Variants in SETD1B observed in about 807,000 individuals in gnomAD.
The protein encoded by SETD1B is SET domain containing 1B, histone lysine methyltransferase, also known as histone-lysine N-methyltransferase SETD1B.
Under a neutral mutation model 148.0 loss-of-function variants are expected in SETD1B, and 7 were observed. That is an observed-to-expected ratio of 0.05 (90% CI 0.03 to 0.09). The LOEUF is 0.09. SETD1B is among the 10% of genes least tolerant of loss of function. SETD1B has a pLI of 1.00. For synonymous variants in SETD1B, 1,361 were observed against 1,186.5 expected, an observed-to-expected ratio of 1.15 and a Z score of -3.02; for missense variants, 2,155 against 2,729.9, an observed-to-expected ratio of 0.79 and a Z score of 4.69.
rs778661411 is a variant in SETD1B, at chr12:121,825,173, T to C, written c.5171-27T>C. ...GGGACCAGAAGGGGCTCTCAGAATGTCCATGTGGCCCTTGACCCACACCCA... is the reference window on the plus strand; with the variant it reads ...GGGACCAGAAGGGGCTCTCAGAATGCCCATGTGGCCCTTGACCCACACCCA... On this transcript the variant is annotated intron_variant, in intron 12 of 16. Coordinates refer to ENST00000604567, the MANE Select transcript of SETD1B (RefSeq NM_001353345.2). The C allele has an allele frequency of 1.9e-6, 3 of 1,549,236 alleles. No individual in the cohort carries two copies. The South Asian group carries it at 3.6e-5, about 18-fold the overall frequency.
intron 13 of SETD1B, among the ~76,000 whole-genome samples, chr12:121,825,660 G>A (rs139209233): frequency 7.6e-4 from 115 of 151,834 alleles, no homozygotes; most frequent in African/African-American, 2.3e-3. Context: ...TTTTTTTTAG[G>A]GGGGGACAAA....
In SETD1B at chr12:121,804,696, G is replaced by A. The variant is rs1332594430; in HGVS notation, c.-14-28G>A. ...AGCGGCCGCCGCCGCCGCCGCGGCG[G>A]AGACGACAACAACTTGCTGGTTTTC... On this transcript the variant is annotated intron_variant, in intron 1 of 16. Transcript: ENST00000604567. This position sits in a 1 kb window ranked among gnomAD's most constrained non-coding sequence, Gnocchi z 4.6. The A allele has an allele frequency of 4.6e-5, 71 of 1,538,346 alleles. No homozygotes were observed. The Admixed American group carries it at 1.4e-3, about 30-fold the overall frequency.
rs1246558391 is a variant in SETD1B, at chr12:121,823,098, C to A, written c.4519C>A (p.Pro1507Thr). 6.5e-7 allele frequency: 1 copy of A among 1,527,474 alleles called. No homozygotes were observed. Among genetic ancestry groups the A allele is most frequent in the East Asian group, 2.5e-5 (1 of 40,720 alleles). 94.6% of individuals were successfully genotyped at this position (1,527,474 alleles called of 1,614,324 possible). A position where few individuals can be genotyped will look rare whatever the true frequency, so the allele number is the denominator to read the frequency against. The part of the protein sequence containing the change: ...PTPLPPLLPA[P>T]LASCPPPMKR... ...CCCGCTGCCACCCCTGCTGCCCGCCCCCCTGGCCTCTTGCCCTCCCCCAAT... is the reference window on the plus strand; with the variant it reads ...CCCGCTGCCACCCCTGCTGCCCGCCACCCTGGCCTCTTGCCCTCCCCCAAT... The change falls in exon 12 of 17, where the codon CCC becomes ACC. Residue 1507 changes from proline (P) to threonine (T), a missense_variant. Physicochemically the swap from Pro to Thr is conservative, Grantham distance 38. Transcript: ENST00000604567.
Position 121,805,740 on chromosome 12 carries a change from C to A in SETD1B, c.274-95C>A. 1 of 1,158,670 alleles carries A rather than the reference C, an allele frequency of 8.6e-7. No individual in the cohort carries two copies. Among genetic ancestry groups the A allele is most frequent in the Non-Finnish European group, 1.2e-6 (1 of 853,176 alleles). The allele number at this position is 1,158,670 out of a possible 1,614,324, so 71.8% of individuals were successfully genotyped here. ...TTTTTTTACCCTTTATTGTTTTCAA[C>A]GGGTGGGCGAGTTGCGGGCGGGGCG... On this transcript the variant is annotated intron_variant, in intron 3 of 16. Transcript: ENST00000604567. The surrounding 1 kb of genome is among the most constrained non-coding windows in gnomAD (Gnocchi z 4.2).
rs1450536506 is a variant in SETD1B, at chr12:121,805,790, G to A, written c.274-45G>A. ...GGGGGGGATGTTGTGTTTTCCCTTA[G>A]GTTTAAACGTTCTTCAAACTCCCTT... On this transcript the variant is annotated intron_variant, in intron 3 of 16. Transcript: ENST00000604567. The surrounding 1 kb of genome is among the most constrained non-coding windows in gnomAD (Gnocchi z 4.2). The A allele has an allele frequency of 1.3e-6, 2 of 1,529,000 alleles. No homozygotes were observed. Among genetic ancestry groups the A allele is most frequent in the Non-Finnish European group, 1.8e-6 (2 of 1,133,750 alleles). 94.7% of individuals were successfully genotyped at this position (1,529,000 alleles called of 1,614,324 possible). A position where few individuals can be genotyped will look rare whatever the true frequency, so the allele number is the denominator to read the frequency against.
In SETD1B at chr12:121,810,521, C is replaced by T; in HGVS notation, c.1576C>T (p.Leu526=). 1.9e-6 allele frequency: 3 copies of T among 1,546,356 alleles called. No individual in the cohort carries two copies. The highest frequency in any genetic ancestry group is 2.6e-6 in the Non-Finnish European group (3 of 1,146,982). ...GAGGGAGCCGGACTCGGACACCGAG[C>T]TGCAGATGGAGGGCAGCCCCATCTC... is the stretch of plus-strand genomic sequence containing the variant. The part of the protein sequence containing the change: ...FLREPDSDTE[L]QMEGSPISSS... Residue 526 remains leucine, a synonymous_variant, in exon 6 of 17, where the codon CTG becomes TTG. Transcript: ENST00000604567. This position sits in a 1 kb window ranked among gnomAD's most constrained non-coding sequence, Gnocchi z 7.6.
chr12:121,813,699 C>T (rs543824509), intron 6 of SETD1B, among the ~76,000 whole-genome samples: 4 of 152,284 alleles, frequency 2.6e-5, no homozygotes, highest in African/African-American at 7.2e-5. Context: ...ACAGTTTCAT[C>T]CTCTGTGCCC....
rs1270628145 is a variant in SETD1B at position 121,830,813 on chromosome 12, C to T, written c.*574C>T. 6.6e-6 allele frequency: 1 copy of T among 152,416 alleles called. No individual in the cohort carries two copies. Among genetic ancestry groups the T allele is most frequent in the Non-Finnish European group, 1.5e-5 (1 of 68,280 alleles). The allele number at this position is 152,416 out of a possible 1,614,324, so 9.4% of individuals were successfully genotyped here. ...GGCCCCCACGGCCTTGACCTCAGAA[C>T]ACTACGCCCTGAAAGCGCCCCTCAC... On this transcript the variant is annotated 3_prime_UTR_variant, in exon 17 of 17. Transcript: ENST00000604567. The surrounding 1 kb of genome is among the most constrained non-coding windows in gnomAD (Gnocchi z 5.7).
chr12:121,799,243 C>T (rs1286469869), upstream of SETD1B: 1 of 152,226 alleles, frequency 6.6e-6, no homozygotes, highest in Non-Finnish European at 1.5e-5. Flanking sequence ...TTCAATGGCT[C>T]GCCAGGTTTC....
chr12:121,799,742 G>T (rs1875229905), upstream of SETD1B: 1 of 124,128 alleles, frequency 8.1e-6, no homozygotes, highest in Non-Finnish European at 1.8e-5. Context: ...GGGGTGGGGC[G>T]GGGCCGCAGA....
chr12:121,810,128 T>C lies in SETD1B; in HGVS notation c.1183T>C (p.Ser395Pro). ...AQATPAPGFKSAFSPYQTPVA... is the reference protein window; with the variant it reads ...AQATPAPGFKPAFSPYQTPVA... ...AGCAACCCCTGCTCCTGGATTCAAG[T>C]CTGCTTTCTCTCCGTATCAGACCCC... Residue 395 changes from serine (S) to proline (P), a missense_variant, in exon 6 of 17, where the codon TCT becomes CCT. Physicochemically the swap from Ser to Pro is moderately conservative, Grantham distance 74 (BLOSUM62 -1). Around this residue, in one of 11 missense-constraint regions of SETD1B, gnomAD observed 376 missense variants for 385.0 expected, o/e 0.98. Transcript: ENST00000604567. This position sits in a 1 kb window ranked among gnomAD's most constrained non-coding sequence, Gnocchi z 7.6. 6.5e-7 allele frequency: 1 copy of C among 1,549,968 alleles called. No homozygotes were observed. Among genetic ancestry groups the C allele is most frequent in the South Asian group, 1.2e-5 (1 of 84,044 alleles).
At chr12:121,799,731 T>TGGGGGGGGCGGGG (rs1308261766), upstream of SETD1B, 1 of 31,716 alleles carries the variant, frequency 3.2e-5, no homozygotes, top group Admixed American at 3.0e-4. Context: ...GGGGGGGGGG[T>TGGGGGGGGCGGGG]GGGGTGGGGC....
chr12:121,826,791 C>G (rs1876862379), intron 13 of SETD1B, among the ~76,000 whole-genome samples: 1 of 151,630 alleles, frequency 6.6e-6, no homozygotes, highest in Admixed American at 6.6e-5. Context: ...TGGACAGGAC[C>G]AGGGCTGGCC....
At chr12:121,820,932 A>G (rs1408720041) in intron 11 of SETD1B, among the ~76,000 whole-genome samples, 3 of 152,198 alleles carry the variant, frequency 2.0e-5, no homozygotes, top group South Asian at 2.1e-4. Context: ...TTTCAACCAA[A>G]TATGGACGGA....
chr12:121,823,739 C>A lies in SETD1B; in HGVS notation c.5160C>A (p.Val1720=). ...GMDWLNDTLW[V]YHPSTSLSSA... Reference sequence around the variant, plus strand: ...ACTGGCTTAACGACACGCTCTGGGTCTACCATCCCTATATCCTGCTGGCAT... The same window carrying A: ...ACTGGCTTAACGACACGCTCTGGGTATACCATCCCTATATCCTGCTGGCAT... The change falls in exon 12 of 17, where the codon GTC becomes GTA. Residue 1720 remains valine (V), a synonymous_variant. Coordinates refer to ENST00000604567, the MANE Select transcript of SETD1B (RefSeq NM_001353345.2). The A allele has an allele frequency of 6.5e-7, 1 of 1,549,058 alleles. No homozygotes were observed.
At chr12:121,825,175 C>A in intron 12 of SETD1B, 25 bp from the exon 13 acceptor site, 3 of 1,549,672 alleles carry the variant, frequency 1.9e-6, no homozygotes, top group Non-Finnish European at 2.6e-6. Context: ...TCAGAATGTC[C>A]ATGTGGCCCT....
the SETD1B span, among the ~76,000 whole-genome samples, chr12:121,791,698 C>T: frequency 6.6e-6 from 1 of 152,238 alleles, no homozygotes; most frequent in South Asian, 2.1e-4. Flanking sequence ...CCAGAAAGGC[C>T]ATCCCTGTTC....
In SETD1B at chr12:121,817,373, C is replaced by A; in HGVS notation, c.2981C>A (p.Ser994Tyr). The A allele has an allele frequency of 6.6e-7, 1 of 1,526,550 alleles. No homozygotes were observed. Among genetic ancestry groups the A allele is most frequent in the Non-Finnish European group, 8.8e-7 (1 of 1,131,864 alleles). 94.6% of individuals were successfully genotyped at this position (1,526,550 alleles called of 1,614,324 possible). ...CTGACTCCCTCCCTTCCTGCAGAGT[C>A]CGAGCGAGAGCGAGACCGGGATATG... ...STSVDEEDEE[S>Y]ERERDRDMAD... Residue 994 changes from serine to tyrosine, a missense_variant, in exon 9 of 17, where the codon TCC becomes TAC. Coordinates refer to ENST00000604567, the MANE Select transcript of SETD1B (RefSeq NM_001353345.2). The surrounding 1 kb of genome is among the most constrained non-coding windows in gnomAD (Gnocchi z 8.1).
rs1394414867 is a variant in SETD1B, at chr12:121,810,427, A to G, written c.1482A>G (p.Lys494=). The G allele has an allele frequency of 6.5e-7, 1 of 1,549,048 alleles. No individual in the cohort carries two copies. The highest frequency in any genetic ancestry group is 2.0e-5 in the Admixed American group (1 of 51,010). The part of the protein sequence containing the change: ...TLESSPAGPE[K]PHDSLDSRIE... ...AGTCGTCCCCTGCAGGGCCAGAGAAACCCCACGACAGCCTGGACTCGCGCA... is the reference window on the plus strand; with the variant it reads ...AGTCGTCCCCTGCAGGGCCAGAGAAGCCCCACGACAGCCTGGACTCGCGCA... The change falls in exon 6 of 17, where the codon AAA becomes AAG. Residue 494 remains lysine, a synonymous_variant. Transcript: ENST00000604567. The surrounding 1 kb of genome is among the most constrained non-coding windows in gnomAD (Gnocchi z 7.6).
Sources: allele counts gnomAD v4.1 joint callset (sites outside exome capture counted in the v4.1 genomes callset), GRCh38; gene constraint gnomAD v4.1.1; regional missense constraint gnomAD v4.1.1; non-coding constraint Gnocchi (gnomAD v3.1); transcripts MANE v1.5; gene names NCBI Gene and HGNC (gene_info 2026-07-23, HGNC 2026-07-21).